Variants in FIG4 observed in about 807,000 individuals in gnomAD.
The protein encoded by FIG4 is FIG4 phosphoinositide 5-phosphatase.
FIG4 carries 112 observed loss-of-function variants against 118.6 expected under a neutral mutation model. That is an observed-to-expected ratio of 0.94 (90% CI 0.81 to 1.11). The LOEUF (loss-of-function observed/expected upper bound fraction) is 1.11, where lower values mean the gene tolerates loss of function less well. FIG4 is among the 50% of genes least tolerant of loss of function. The probability of loss-of-function intolerance (pLI) is 0.00; values close to 1 mark genes in which losing one functional copy is unlikely to be tolerated. For synonymous variants in FIG4, 369 were observed against 381.2 expected, an observed-to-expected ratio of 0.97 and a Z score of 0.37; for missense variants, 969 against 1,111.7, an observed-to-expected ratio of 0.87 and a Z score of 1.83.
intron 3 of FIG4, among the ~76,000 whole-genome samples, chr6:109,724,978 T>C (rs1775755556): frequency 6.6e-6 from 1 of 152,192 alleles, no homozygotes; most frequent in Non-Finnish European, 1.5e-5. Context: ...ACTAAAGCTC[T>C]ATACCCATGG....
chr6:109,790,040 C>T (rs1307682051), intron 19 of FIG4, among the ~76,000 whole-genome samples: 1 of 152,100 alleles, frequency 6.6e-6, no homozygotes, highest in African/African-American at 2.4e-5. Context: ...TGTTACGGAA[C>T]TTAATAGATT....
chr6:109,743,754 C>T lies in FIG4; in HGVS notation c.1119C>T (p.Ile373=). 6.2e-7 allele frequency: 1 copy of T among 1,611,828 alleles called. No individual in the cohort carries two copies. Among genetic ancestry groups the T allele is most frequent in the Non-Finnish European group, 8.5e-7 (1 of 1,178,308 alleles). ...QMFQRFGSPI[I]ILNLVKEREK... ...TCCAGAGGTTTGGCTCTCCCATCAT[C>T]ATCTTGAATTTAGTGAAGGTATGAT... is the stretch of plus-strand genomic sequence containing the variant. Residue 373 remains isoleucine, a synonymous_variant, in exon 10 of 23, where the codon ATC becomes ATT. Coordinates refer to ENST00000230124, the MANE Select transcript of FIG4 (RefSeq NM_014845.6).
chr6:109,773,159 C>G (rs1777517194), intron 15 of FIG4, among the ~76,000 whole-genome samples: 1 of 152,186 alleles, frequency 6.6e-6, no homozygotes, highest in South Asian at 2.1e-4. Context: ...CTTCAAATCT[C>G]TCTGCCTTCC....
In FIG4 at chr6:109,791,445, C is replaced by G; in HGVS notation, c.2250C>G (p.Ser750Arg). The change falls in exon 20 of 23, where the codon AGC (serine) becomes AGG (arginine). Residue 750 changes from serine (S) to arginine (R), a missense_variant. Ser to Arg is a moderately radical substitution (Grantham distance 110). Transcript: ENST00000230124. Reference sequence around the variant, plus strand: ...CAGCCAGCGCCCCGCCGCCCCCCAGCGAGGAGGCTGTGTCCAGCAGCTCTG... The same window carrying G: ...CAGCCAGCGCCCCGCCGCCCCCCAGGGAGGAGGCTGTGTCCAGCAGCTCTG... ...KTAASAPPPP[S>R]EEAVSSSSED... 6.2e-7 allele frequency: 1 copy of G among 1,613,804 alleles called. No homozygotes were observed.
chr6:109,752,540 G>A (rs1776741945), intron 10 of FIG4, among the ~76,000 whole-genome samples: 1 of 152,162 alleles, frequency 6.6e-6, no homozygotes, highest in Non-Finnish European at 1.5e-5. Flanking sequence ...TCTAACTGGT[G>A]TGAGATGGTA....
chr6:109,807,765 A>G (rs1192210472), intron 22 of FIG4, among the ~76,000 whole-genome samples: 2 of 152,172 alleles, frequency 1.3e-5, no homozygotes, highest in African/African-American at 4.8e-5. Flanking sequence ...TATTTAATCC[A>G]TCTGGAGTTA....
chr6:109,708,664 A>C (rs1037343026), intron 1 of FIG4, among the ~76,000 whole-genome samples: 1 of 152,116 alleles, frequency 6.6e-6, no homozygotes, highest in African/African-American at 2.4e-5. Flanking sequence ...AGCCATTCTG[A>C]CTGGTGTGAG....
chr6:109,725,294 C>T (rs1406921305), intron 3 of FIG4, among the ~76,000 whole-genome samples: 1 of 152,054 alleles, frequency 6.6e-6, no homozygotes, highest in Non-Finnish European at 1.5e-5. Flanking sequence ...TGATGTTCCC[C>T]TCCCTATGTC....
At chr6:109,797,682 G>A (rs930472805) in intron 22 of FIG4, among the ~76,000 whole-genome samples, 1 of 152,086 alleles carries the variant, frequency 6.6e-6, no homozygotes, top group African/African-American at 2.4e-5. Context: ...GATCACCTGA[G>A]GTCAGGAGTT....
chr6:109,706,591 G>GT (rs1227483439), intron 1 of FIG4, among the ~76,000 whole-genome samples: 1 of 152,138 alleles, frequency 6.6e-6, no homozygotes, highest in Non-Finnish European at 1.5e-5. Flanking sequence ...TTCCTCTGGC[G>GT]TTTGTCTTTT....
chr6:109,759,222 T>G (rs1777020907), intron 10 of FIG4, among the ~76,000 whole-genome samples: 1 of 152,014 alleles, frequency 6.6e-6, no homozygotes, highest in Non-Finnish European at 1.5e-5. Context: ...ATGGACTGGA[T>G]AAAGAAAATG....
At chr6:109,802,022 T>G (rs1481040210) in intron 22 of FIG4, among the ~76,000 whole-genome samples, 1 of 152,190 alleles carries the variant, frequency 6.6e-6, no homozygotes, top group Non-Finnish European at 1.5e-5. Flanking sequence ...GATCAGTGAT[T>G]AATCAGCTAA....
At chr6:109,712,205 C>T (rs986999020) in intron 1 of FIG4, among the ~76,000 whole-genome samples, 1 of 152,124 alleles carries the variant, frequency 6.6e-6, no homozygotes, top group Admixed American at 6.6e-5. Flanking sequence ...TTTCATTTGG[C>T]CTTGGAGAAT....
intron 21 of FIG4, among the ~76,000 whole-genome samples, chr6:109,795,023 T>C (rs1778236935): frequency 6.6e-6 from 1 of 151,826 alleles, no homozygotes; most frequent in East Asian, 1.9e-4. Context: ...CCTTTTCTAG[T>C]ATCTTTGGTT....
intron 1 of FIG4, among the ~76,000 whole-genome samples, chr6:109,699,505 T>G (rs1463011560): frequency 1.3e-5 from 2 of 151,540 alleles, no homozygotes; most frequent in Non-Finnish European, 2.9e-5. Flanking sequence ...TTTGTTTTTT[T>G]TTTGTTTTTT....
At chr6:109,710,721 C>A (rs1775231282) in intron 1 of FIG4, among the ~76,000 whole-genome samples, 1 of 151,974 alleles carries the variant, frequency 6.6e-6, no homozygotes, top group Admixed American at 6.5e-5. Context: ...GTGTATATGT[C>A]CAGGAATTTA....
intron 22 of FIG4, among the ~76,000 whole-genome samples, chr6:109,814,537 A>C (rs560221488): frequency 1.3e-5 from 2 of 152,068 alleles, no homozygotes; most frequent in Non-Finnish European, 2.9e-5. Context: ...TAAATATTTT[A>C]TGGAAGGTAC....
At chr6:109,711,693 T>G (rs572892802) in intron 1 of FIG4, among the ~76,000 whole-genome samples, 1 of 152,324 alleles carries the variant, frequency 6.6e-6, no homozygotes, top group South Asian at 2.1e-4. Context: ...GAAGACAGCA[T>G]ACTGATGGGT....
At chr6:109,737,657 T>G (rs1776198159) in intron 6 of FIG4, among the ~76,000 whole-genome samples, 1 of 152,332 alleles carries the variant, frequency 6.6e-6, no homozygotes, top group South Asian at 2.1e-4. Flanking sequence ...TCACTTCATG[T>G]AAGTTTTGTA....
Sources: gnomAD v4.1 joint callset for allele counts (sites outside exome capture counted in the v4.1 genomes callset) on GRCh38, gnomAD v4.1.1 for gene constraint, MANE v1.5 for transcripts, NCBI Gene and HGNC (gene_info 2026-07-23, HGNC 2026-07-21) for gene names.